Variants in RREB1 observed in about 807,000 individuals in gnomAD.
The protein encoded by RREB1 is ras responsive element binding protein 1, also known as ras-responsive element-binding protein 1.
RREB1 carries 27 observed loss-of-function variants against 117.8 expected under a neutral mutation model. That is an observed-to-expected ratio of 0.23 (90% CI 0.17 to 0.32). RREB1 has a LOEUF of 0.32. Ranked by LOEUF, RREB1 falls within the 10% of genes least tolerant of loss-of-function variation. RREB1 has a pLI of 1.00. For synonymous variants in RREB1, 1,298 were observed against 1,026.7 expected (o/e 1.26, Z -5.05); for missense variants, 2,577 against 2,378.2 (o/e 1.08, Z -1.74).
intron 6 of RREB1, among the ~76,000 whole-genome samples, chr6:7,209,393 G>A (rs1308634144): frequency 6.6e-6 from 1 of 152,086 alleles, no homozygotes; most frequent in Non-Finnish European, 1.5e-5. Flanking sequence ...AAACTTGCCA[G>A]CCTTTCTTTT....
chr6:7,171,947 C>CTTTT (rs894735058), intron 1 of RREB1, among the ~76,000 whole-genome samples: 1 of 139,392 alleles, frequency 7.2e-6, no homozygotes, highest in East Asian at 2.1e-4. Flanking sequence ...GACCATTAGT[C>CTTTT]TTTTTTTTTT....
chr6:7,230,919 C>G lies in RREB1; in HGVS notation c.2820C>G (p.Pro940=), dbSNP rs1178867692. 6.2e-7 allele frequency: 1 copy of G among 1,613,972 alleles called. No homozygotes were observed. Among genetic ancestry groups the G allele is most frequent in the Non-Finnish European group, 8.5e-7 (1 of 1,179,984 alleles). ...TGGAGCCCATCGACCTGTCCATCCC[C>G]AAGAACTTCAGGAAAGGGGACAAGG... The part of the protein sequence containing the change: ...CSMEPIDLSI[P]KNFRKGDKDL... The change falls in exon 10 of 13, where the codon CCC becomes CCG. Residue 940 remains proline (P), a synonymous_variant. Coordinates refer to ENST00000379938, the MANE Select transcript of RREB1 (RefSeq NM_001003699.4).
intron 4 of RREB1, among the ~76,000 whole-genome samples, chr6:7,184,274 A>T (rs188050397): frequency 0.035 from 5,217 of 150,376 alleles, 231 homozygotes; most frequent in African/African-American, 0.097. Flanking sequence ...TATTATTATT[A>T]TTTTTTTTAT....
intron 6 of RREB1, among the ~76,000 whole-genome samples, chr6:7,190,962 C>T (rs1317951955): frequency 6.6e-6 from 1 of 152,260 alleles, no homozygotes; most frequent in Non-Finnish European, 1.5e-5. Context: ...AGAGGCCCCT[C>T]CTAGTGGCGT....
intron 1 of RREB1, among the ~76,000 whole-genome samples, chr6:7,142,217 A>AT (rs540025137): frequency 8.5e-4 from 117 of 137,726 alleles, no homozygotes; most frequent in African/African-American, 3.4e-3. Context: ...CTCCGTCTTA[A>AT]TTTAAAAAAA....
At chr6:7,147,394 T>C (rs992919447) in intron 1 of RREB1, among the ~76,000 whole-genome samples, 4 of 152,220 alleles carry the variant, frequency 2.6e-5, no homozygotes, top group Non-Finnish European at 5.9e-5. Flanking sequence ...CTGTTTTCTT[T>C]TCCTTCCTTC....
intron 8 of RREB1, among the ~76,000 whole-genome samples, chr6:7,225,449 A>G (rs987613246): frequency 6.6e-6 from 1 of 152,236 alleles, no homozygotes; most frequent in Non-Finnish European, 1.5e-5. Flanking sequence ...TGATAATACC[A>G]TAACGATGGT....
At chr6:7,122,811 TTA>T (rs1761734248) in intron 1 of RREB1, among the ~76,000 whole-genome samples, 1 of 150,468 alleles carries the variant, frequency 6.6e-6, no homozygotes, top group African/African-American at 2.5e-5. Flanking sequence ...GAGAAGTGTG[TTA>T]TAAATACAGC....
At chr6:7,246,216 G>A (rs773384725) in intron 11 of RREB1, among the ~76,000 whole-genome samples, 55 of 152,302 alleles carry the variant, frequency 3.6e-4, no homozygotes, top group Non-Finnish European at 6.8e-4. Context: ...GTGATGTGGA[G>A]GCTGCTTTTG....
Position 7,231,101 on chromosome 6 carries a change from C to A in RREB1, c.3002C>A (p.Pro1001Gln). The change falls in exon 10 of 13, where the codon CCG becomes CAG. Residue 1001 changes from proline (P) to glutamine (Q), a missense_variant. Pro to Gln is a moderately conservative substitution (Grantham distance 76, BLOSUM62 -1). Coordinates refer to ENST00000379938, the MANE Select transcript of RREB1 (RefSeq NM_001003699.4). ...ATGGCCCCTGCTCCGGCGGCCACCC[C>A]GGAACCCCCAGCACAGCCCCTGCAG... ...SPMAPAPAAT[P>Q]EPPAQPLQGP... is the part of the protein sequence containing the mutation. The A allele has an allele frequency of 6.2e-7, 1 of 1,613,062 alleles. No individual in the cohort carries two copies. Among genetic ancestry groups the A allele is most frequent in the Non-Finnish European group, 8.5e-7 (1 of 1,179,966 alleles).
At position 7,211,066 on chromosome 6, in the gene RREB1, G is replaced by A; in HGVS notation, c.570+118G>A. On this transcript the variant is annotated intron_variant, in intron 7 of 12. Coordinates refer to ENST00000379938, the MANE Select transcript of RREB1 (RefSeq NM_001003699.4). ...GACATACATCCTAAGCTCTTAACGT[G>A]TGTTTTCCCATACTGTTTCTGTAAA... The A allele has an allele frequency of 6.9e-6, 7 of 1,012,484 alleles. No individual in the cohort carries two copies. The Admixed American group carries it at 7.1e-5, about 10-fold the overall frequency. The allele number at this position is 1,012,484 out of a possible 1,614,324, so 62.7% of individuals were successfully genotyped here.
intron 1 of RREB1, among the ~76,000 whole-genome samples, chr6:7,137,536 A>G (rs1762393824): frequency 6.6e-6 from 1 of 152,252 alleles, no homozygotes; most frequent in African/African-American, 2.4e-5. Context: ...ACATAGGCAG[A>G]TGAAACTAAG....
intron 11 of RREB1, 115 bp from the exon 12 acceptor site, chr6:7,246,309 A>G (rs1769015146): frequency 5.7e-6 from 5 of 882,832 alleles, no homozygotes; most frequent in Non-Finnish European, 8.1e-6. Context: ...AGAAGTCCTC[A>G]CTGGTTTGGG....
chr6:7,207,343 A>T (rs574627740), intron 6 of RREB1, among the ~76,000 whole-genome samples: 2 of 152,320 alleles, frequency 1.3e-5, no homozygotes, highest in African/African-American at 4.8e-5. Context: ...CTCACCAACG[A>T]TGGGAGAGTA....
intron 1 of RREB1, among the ~76,000 whole-genome samples, chr6:7,153,334 T>G (rs961917546): frequency 6.6e-6 from 1 of 151,742 alleles, no homozygotes; most frequent in Non-Finnish European, 1.5e-5. Flanking sequence ...AGTCCACACG[T>G]GATTACATAA....
At chr6:7,123,089 C>T (rs1283942827) in intron 1 of RREB1, among the ~76,000 whole-genome samples, 1 of 152,062 alleles carries the variant, frequency 6.6e-6, no homozygotes, top group Non-Finnish European at 1.5e-5. Flanking sequence ...GGGGTATTGG[C>T]ATGTCTTACA....
chr6:7,245,754 G>A (rs1768969360), intron 11 of RREB1, among the ~76,000 whole-genome samples: 3 of 152,172 alleles, frequency 2.0e-5, no homozygotes, highest in African/African-American at 7.2e-5. Context: ...GTGTGCTGTT[G>A]CCAAGCCTGG....
intron 4 of RREB1, among the ~76,000 whole-genome samples, chr6:7,182,551 A>G (rs946296932): frequency 3.9e-5 from 6 of 152,204 alleles, no homozygotes; most frequent in Admixed American, 1.3e-4. Context: ...CTGTTTAGTC[A>G]TCTTGGATTT....
At chr6:7,112,329 T>C (rs531857146) in intron 1 of RREB1, among the ~76,000 whole-genome samples, 9 of 152,264 alleles carry the variant, frequency 5.9e-5, no homozygotes, top group Non-Finnish European at 8.8e-5. Flanking sequence ...ATGGTAAGCC[T>C]GTTGTAAGCC....
Sources: allele counts gnomAD v4.1 joint callset (sites outside exome capture counted in the v4.1 genomes callset), GRCh38; gene constraint gnomAD v4.1.1; transcripts MANE v1.5; gene names NCBI Gene and HGNC (gene_info 2026-07-23, HGNC 2026-07-21).